The following DNAH1 variants were observed in gnomAD, a reference collection of about 807,000 sequenced individuals.
DNAH1 encodes axonemal beta dynein heavy chain 1.
In DNAH1, 327 loss-of-function variants were observed where a neutral mutation model predicts 484.3. That is an observed-to-expected ratio of 0.68 (90% CI 0.62 to 0.74). The LOEUF (loss-of-function observed/expected upper bound fraction) is 0.74. Among genes scored for constraint, DNAH1 ranks in the 30% least tolerant of loss-of-function variants. The probability of loss-of-function intolerance (pLI) is 0.00; values close to 1 mark genes in which losing one functional copy is unlikely to be tolerated. For missense variants in DNAH1, 5,052 were observed against 5,546.8 expected, an observed-to-expected ratio of 0.91 and a Z score of 2.83; for synonymous variants, 2,192 against 2,191.9, an observed-to-expected ratio of 1.00 and a Z score of 0.00.
In DNAH1 at chr3:52,384,007, C is replaced by T. The variant is rs1442374805; in HGVS notation, c.8298C>T (p.Ser2766=). 3.1e-6 allele frequency: 5 copies of T among 1,608,376 alleles called. No individual in the cohort carries two copies. Among genetic ancestry groups the T allele is most frequent in the East Asian group, 4.5e-5 (2 of 44,706 alleles). Residue 2766 remains serine, a synonymous_variant, in exon 52 of 78, where the codon TCC becomes TCT. Coordinates refer to ENST00000420323, the MANE Select transcript of DNAH1 (RefSeq NM_015512.5). ...VFLNEIPELE[S]SQEEIQGLIQ... is the part of the protein sequence containing the mutation. ...TCAATGAGATCCCAGAACTGGAATC[C>T]TCCCAGGAAGAAATCCAAGGACTGG...
chr3:52,330,736 C>G (rs1453818898), intron 6 of DNAH1, among the ~76,000 whole-genome samples: 1 of 152,206 alleles, frequency 6.6e-6, no homozygotes, highest in Non-Finnish European at 1.5e-5. Flanking sequence ...CAGGGGCAGC[C>G]TGTGGGGAGG....
At chr3:52,336,883 T>A (rs1701760648) in intron 8 of DNAH1, among the ~76,000 whole-genome samples, 1 of 152,204 alleles carries the variant, frequency 6.6e-6, no homozygotes, top group South Asian at 2.1e-4. Context: ...GCTTTGTTCT[T>A]TTTGCTTAGG....
At position 52,346,667 on chromosome 3, in the gene DNAH1, T is replaced by C. The variant is rs1438003342; in HGVS notation, c.1852T>C (p.Ser618Pro). ...CACACTGCGCTTCCTGGTGCAGGAC[T>C]CACTTGCCAGCTTCTCACAGTTCAT... Reference protein sequence around the residue: ...QDTLRFLVQDSLASFSQFISD... With the variant: ...QDTLRFLVQDPLASFSQFISD... Residue 618 changes from serine (S) to proline (P), a missense_variant, in exon 11 of 78, where the codon TCA becomes CCA. Ser to Pro is a moderately conservative substitution (Grantham distance 74, BLOSUM62 -1). Around this residue, in one of 4 missense-constraint regions of DNAH1, gnomAD observed 1,263 missense variants for 1,218.8 expected, o/e 1.04. Transcript: ENST00000420323. 1 of 1,613,926 alleles carries C rather than the reference T, an allele frequency of 6.2e-7. No homozygotes were observed. Among genetic ancestry groups the C allele is most frequent in the African/African-American group, 1.3e-5 (1 of 74,940 alleles).
intron 9 of DNAH1, 47 bp from the exon 10 acceptor site, chr3:52,345,448 T>G (rs1696737604): frequency 6.7e-7 from 1 of 1,500,958 alleles, no homozygotes; most frequent in Non-Finnish European, 9.1e-7. Context: ...GTCCCCTGGT[T>G]TGGCCAGGCA....
rs1416694812 is a variant in DNAH1, at chr3:52,355,102, G to C, written c.3693+47G>C. 7.6e-6 allele frequency: 12 copies of C among 1,581,956 alleles called. No homozygotes were observed. The highest frequency in any genetic ancestry group is 8.6e-6 in the Non-Finnish European group (10 of 1,157,312). On this transcript the variant is annotated intron_variant, in intron 21 of 77. Transcript: ENST00000420323. The surrounding 1 kb of genome is among the most constrained non-coding windows in gnomAD (Gnocchi z 4.5). ...TCCCTCATCGCTCCCCCACTTCAGA[G>C]AGCCCGACCCACAGGTGTCACTGAT...
rs1459301375 is a variant in DNAH1 at position 52,322,529 on chromosome 3, G to A, written c.87G>A (p.Gly29=). ...ECSSAPAVQV[G]THRGLEYNPG... ...GCAGTGCTCCTGCAGTCCAAGTGGG[G>A]ACCCACAGGGGCCTAGAGTATAACC... The change falls in exon 2 of 78, where the codon GGG becomes GGA. Residue 29 remains glycine, a synonymous_variant. Transcript: ENST00000420323. The A allele has an allele frequency of 1.2e-6, 2 of 1,613,656 alleles. No individual in the cohort carries two copies. Among genetic ancestry groups the A allele is most frequent in the Non-Finnish European group, 1.7e-6 (2 of 1,179,818 alleles).
In DNAH1 at chr3:52,391,562, C is replaced by A. The variant is rs1286886942; in HGVS notation, c.10011C>A (p.Ile3337=). Residue 3337 remains isoleucine (I), a synonymous_variant, in exon 63 of 78, where the codon ATC becomes ATA. Coordinates refer to ENST00000420323, the MANE Select transcript of DNAH1 (RefSeq NM_015512.5). ...KLPNPHYTPE[I]STKLTLINFT... is the part of the protein sequence containing the mutation. ...CCAACCCACACTACACGCCCGAGAT[C>A]TCCACCAAACTCACCCTCATCAACT... The A allele has an allele frequency of 1.2e-6, 2 of 1,613,776 alleles. No individual in the cohort carries two copies. Among genetic ancestry groups the A allele is most frequent in the Admixed American group, 3.3e-5 (2 of 60,006 alleles).
intron 39 of DNAH1, 77 bp downstream of exon 39, chr3:52,370,306 A>G: frequency 6.4e-7 from 1 of 1,573,192 alleles, no homozygotes; most frequent in Non-Finnish European, 8.7e-7. Context: ...GGGGCCTGAA[A>G]GAGAGAATTG....
In DNAH1 at chr3:52,362,591, T is replaced by C; in HGVS notation, c.5094+90T>C. ...GCCACTTATGCAAGGACACAGTTGC[T>C]TGGACTCCAGGGACTGTGATTCCCT... On this transcript the variant is annotated intron_variant, in intron 31 of 77. Transcript: ENST00000420323. The surrounding 1 kb of genome is among the most constrained non-coding windows in gnomAD (Gnocchi z 5.1). The C allele has an allele frequency of 8.4e-7, 1 of 1,190,034 alleles. No homozygotes were observed. Among genetic ancestry groups the C allele is most frequent in the Non-Finnish European group, 1.2e-6 (1 of 831,142 alleles). The allele number at this position is 1,190,034 out of a possible 1,614,324, so 73.7% of individuals were successfully genotyped here. A position where few individuals can be genotyped will look rare whatever the true frequency, so the allele number is the denominator to read the frequency against.
Position 52,375,420 on chromosome 3 carries a change from AT to A in DNAH1, c.7159+9del. The A allele has an allele frequency of 6.2e-7, 1 of 1,611,074 alleles. No individual in the cohort carries two copies. Among genetic ancestry groups the A allele is most frequent in the Non-Finnish European group, 8.5e-7 (1 of 1,179,070 alleles). Reference sequence around the variant, plus strand: ...ATCCTGGGCAACTGGTTGGGTGAGTATTGGTGGGGGTGAGCATGGACAAAGG... The same window carrying A: ...ATCCTGGGCAACTGGTTGGGTGAGTATGGTGGGGGTGAGCATGGACAAAGG... On this transcript the variant is annotated splice_region_variant and intron_variant, in intron 45 of 77. Coordinates refer to ENST00000420323, the MANE Select transcript of DNAH1 (RefSeq NM_015512.5).
Position 52,355,082 on chromosome 3 carries a change from C to T in DNAH1, c.3693+27C>T, listed in dbSNP as rs775245064. 6.2e-7 allele frequency: 1 copy of T among 1,606,656 alleles called. No individual in the cohort carries two copies. The highest frequency in any genetic ancestry group is 1.1e-5 in the South Asian group (1 of 90,936). ...TCGGCCCTCCCCCCAGTCCTTCCCT[C>T]ATCGCTCCCCCACTTCAGAGAGCCC... On this transcript the variant is annotated intron_variant, in intron 21 of 77. Coordinates refer to ENST00000420323, the MANE Select transcript of DNAH1 (RefSeq NM_015512.5). The surrounding 1 kb of genome is among the most constrained non-coding windows in gnomAD (Gnocchi z 4.5).
rs1578141421 is a variant in DNAH1 at position 52,361,141 on chromosome 3, C to T, written c.4686-23C>T. On this transcript the variant is annotated intron_variant, in intron 28 of 77. Transcript: ENST00000420323. This position sits in a 1 kb window ranked among gnomAD's most constrained non-coding sequence, Gnocchi z 5.6. ...GTGTCCAGGCCATGTGCGGCCCGAGCCCACCTCCTCTGTCTCCTGCAGGTG... is the reference window on the plus strand; with the variant it reads ...GTGTCCAGGCCATGTGCGGCCCGAGTCCACCTCCTCTGTCTCCTGCAGGTG... The T allele has an allele frequency of 2.0e-6, 3 of 1,527,688 alleles. No individual in the cohort carries two copies. The highest frequency in any genetic ancestry group is 1.4e-5 in the African/African-American group (1 of 71,704). The allele number at this position is 1,527,688 out of a possible 1,614,324, so 94.6% of individuals were successfully genotyped here.
At chr3:52,319,306 G>T (rs1701059762) in intron 1 of DNAH1, among the ~76,000 whole-genome samples, 1 of 152,162 alleles carries the variant, frequency 6.6e-6, no homozygotes, top group South Asian at 2.1e-4. Context: ...AAGCCAATAG[G>T]GCTCCCAGGT....
rs545470511 is a variant in DNAH1, at chr3:52,348,908, C to T, written c.2127C>T (p.Phe709=). 1 of 1,613,172 alleles carries T rather than the reference C, an allele frequency of 6.2e-7. No homozygotes were observed. Among genetic ancestry groups the T allele is most frequent in the Non-Finnish European group, 8.5e-7 (1 of 1,179,838 alleles). ...QLEKLVMEDI[F]ISGDPLLESV... is the part of the protein sequence containing the mutation. ...TGCAGCTGGTGATGGAGGACATCTT[C>T]ATCAGCGGTGACCCCCTGCTGGAGT... Residue 709 remains phenylalanine (F), a synonymous_variant, in exon 13 of 78, where the codon TTC becomes TTT. Coordinates refer to ENST00000420323, the MANE Select transcript of DNAH1 (RefSeq NM_015512.5).
intron 20 of DNAH1, 56 bp from the exon 21 acceptor site, chr3:52,354,787 G>T: frequency 6.4e-7 from 1 of 1,563,554 alleles, no homozygotes; most frequent in South Asian, 1.1e-5. Flanking sequence ...GGGCTGGTCA[G>T]ACAGCATCAG....
rs1241751948 is a variant in DNAH1 at position 52,361,691 on chromosome 3, C to G, written c.4905C>G (p.Phe1635Leu). 5 of 1,610,476 alleles carry G rather than the reference C, an allele frequency of 3.1e-6. No individual in the cohort carries two copies. The highest frequency in any genetic ancestry group is 4.2e-6 in the Non-Finnish European group (5 of 1,178,588). The change falls in exon 30 of 78, where the codon TTC (phenylalanine) becomes TTG (leucine). Residue 1635 changes from phenylalanine to leucine, a missense_variant. Around this residue, in one of 4 missense-constraint regions of DNAH1, gnomAD observed 2,929 missense variants for 3,409.4 expected, o/e 0.86. Coordinates refer to ENST00000420323, the MANE Select transcript of DNAH1 (RefSeq NM_015512.5). This position sits in a 1 kb window ranked among gnomAD's most constrained non-coding sequence, Gnocchi z 5.6. ...GGGCCTGGGCCTGCTTCGACGAGTT[C>G]AATCGCATCGACATCGAGGTGCTGT... ...SAGAWACFDE[F>L]NRIDIEVLSV...
At chr3:52,331,065 TC>T in intron 6 of DNAH1, 82 bp from the exon 7 acceptor site, 1 of 1,470,560 alleles carries the variant, frequency 6.8e-7, no homozygotes, top group Non-Finnish European at 9.1e-7. Context: ...TGAGACCCAT[TC>T]CCAGCGATGC....
rs1180276912 is a variant in DNAH1 at position 52,364,703 on chromosome 3, A to G, written c.5310A>G (p.Arg1770=). ...TCTCGGCTGCTGGGAACCTCAAGCG[A>G]GAAAACCCCAGCATGAATGAGGTGA... The part of the protein sequence containing the change: ...TVISAAGNLK[R]ENPSMNEELI... The change falls in exon 33 of 78, where the codon CGA becomes CGG. Residue 1770 remains arginine, a synonymous_variant. Coordinates refer to ENST00000420323, the MANE Select transcript of DNAH1 (RefSeq NM_015512.5). The surrounding 1 kb of genome is among the most constrained non-coding windows in gnomAD (Gnocchi z 4.2). 11 of 1,613,722 alleles carry G rather than the reference A, an allele frequency of 6.8e-6. No homozygotes were observed. Among genetic ancestry groups the G allele is most frequent in the Non-Finnish European group, 7.6e-6 (9 of 1,179,726 alleles).
At position 52,357,934 on chromosome 3, in the gene DNAH1, C is replaced by G; in HGVS notation, c.4017C>G (p.Ile1339Met). The G allele has an allele frequency of 6.2e-7, 1 of 1,613,268 alleles. No individual in the cohort carries two copies. Among genetic ancestry groups the G allele is most frequent in the Non-Finnish European group, 8.5e-7 (1 of 1,179,782 alleles). ...YFLSDDELLE[I>M]LSQTKDPTAV... is the part of the protein sequence containing the mutation. ...TGTCAGATGATGAACTACTAGAGAT[C>G]TTGTCGCAGACAAAGGACCCCACGG... The change falls in exon 24 of 78, where the codon ATC (isoleucine) becomes ATG (methionine). Residue 1339 changes from isoleucine to methionine, a missense_variant. Transcript: ENST00000420323.
Sources: gnomAD v4.1 joint callset for allele counts (sites outside exome capture counted in the v4.1 genomes callset) on GRCh38, gnomAD v4.1.1 for gene constraint, gnomAD v4.1.1 regional missense constraint, Gnocchi (gnomAD v3.1) non-coding constraint, MANE v1.5 for transcripts, NCBI Gene and HGNC (gene_info 2026-07-23, HGNC 2026-07-21) for gene names.